Variants in EPHA3 observed in about 807,000 individuals in gnomAD.
EPHA3 encodes the protein ephrin type-A receptor 3.
Under a neutral mutation model 107.1 loss-of-function variants are expected in EPHA3, and 42 were observed. The ratio of observed to expected loss-of-function variants is 0.39; its 90% CI spans 0.31 to 0.51. EPHA3 has a LOEUF of 0.51. Ranked by LOEUF, EPHA3 falls within the 20% of genes least tolerant of loss-of-function variation. The pLI, the probability that EPHA3 is intolerant of heterozygous loss-of-function variation, is 0.78. For missense variants in EPHA3, 1,183 were observed against 1,211.2 expected (o/e 0.98, Z 0.35); for synonymous variants, 461 against 424.8 (o/e 1.09, Z -1.05).
intron 3 of EPHA3, among the ~76,000 whole-genome samples, chr3:89,283,645 A>G (rs1328444772): frequency 6.6e-6 from 1 of 152,120 alleles, no homozygotes; most frequent in East Asian, 1.9e-4. Flanking sequence ...AATTAGGTCA[A>G]AAAGAGAACC....
At chr3:89,348,168 T>G (rs1221221755) in intron 5 of EPHA3, among the ~76,000 whole-genome samples, 1 of 137,290 alleles carries the variant, frequency 7.3e-6, no homozygotes, top group Non-Finnish European at 1.6e-5. Context: ...TTCTATTGAT[T>G]GGAATAGTTT....
chr3:89,219,688 G>GTGTTTTTTTTTGTTGT, intron 3 of EPHA3, among the ~76,000 whole-genome samples: 2 of 34,438 alleles, frequency 5.8e-5, no homozygotes, highest in Non-Finnish European at 1.0e-4. Flanking sequence ...ATTTGGCAAT[G>GTGTTTTTTTTTGTTGT]TTTTTTTTTT....
At position 89,370,842 on chromosome 3, in the gene EPHA3, T is replaced by G. The variant is rs73846158; in HGVS notation, c.1307-24995T>G. Among the ~76,000 whole-genome samples the G allele has an allele frequency of 4.5e-3, 689 of 151,814 alleles. 4 individuals are homozygous for G. Among genetic ancestry groups the G allele is most frequent in the African/African-American group, 0.016 (657 of 41,486 alleles). On this transcript the variant is annotated intron_variant, in intron 5 of 16. Coordinates refer to ENST00000336596, the MANE Select transcript of EPHA3 (RefSeq NM_005233.6). ...AAGTCAAATTACCTGAAACAGGTTG[T>G]GAAGTGAATTGGGCAAAGTGTTAAG...
chr3:89,196,936 C>G (rs1306944170), intron 2 of EPHA3, among the ~76,000 whole-genome samples: 1 of 152,102 alleles, frequency 6.6e-6, no homozygotes, highest in Non-Finnish European at 1.5e-5. Flanking sequence ...CTATCCTATC[C>G]AGACTCCATC....
At chr3:89,412,533 A>G (rs1382249124) in intron 9 of EPHA3, among the ~76,000 whole-genome samples, 2 of 151,602 alleles carry the variant, frequency 1.3e-5, no homozygotes, top group South Asian at 2.1e-4. Context: ...ACACACCAAT[A>G]TAATATATAA....
chr3:89,215,490 G>A (rs1475291613), intron 3 of EPHA3, among the ~76,000 whole-genome samples: 1 of 151,826 alleles, frequency 6.6e-6, no homozygotes, highest in Non-Finnish European at 1.5e-5. Context: ...TCTTTGTTCT[G>A]TATATACTGC....
At chr3:89,237,432 A>C (rs1704792574) in intron 3 of EPHA3, among the ~76,000 whole-genome samples, 2 of 152,218 alleles carry the variant, frequency 1.3e-5, no homozygotes, top group African/African-American at 4.8e-5. Flanking sequence ...TCACAAACCA[A>C]GGATTATGAT....
intron 3 of EPHA3, among the ~76,000 whole-genome samples, chr3:89,255,213 A>G (rs372361489): frequency 1.3e-5 from 2 of 152,234 alleles, no homozygotes; most frequent in South Asian, 2.1e-4. Context: ...ACGGAAGTCT[A>G]TGGTAGCATT....
At chr3:89,141,222 G>C (rs1335026056) in intron 2 of EPHA3, among the ~76,000 whole-genome samples, 3 of 151,514 alleles carry the variant, frequency 2.0e-5, no homozygotes, top group Non-Finnish European at 1.5e-5. Context: ...TTATGCCAAG[G>C]GTTTGGCTTC....
chr3:89,265,481 A>T (rs537166020), intron 3 of EPHA3, among the ~76,000 whole-genome samples: 10 of 152,322 alleles, frequency 6.6e-5, no homozygotes, highest in African/African-American at 2.4e-4. Context: ...ATATCTTGAT[A>T]CACCATTATT....
At chr3:89,200,987 G>T (rs1705955197) in intron 2 of EPHA3, among the ~76,000 whole-genome samples, 1 of 152,156 alleles carries the variant, frequency 6.6e-6, no homozygotes, top group South Asian at 2.1e-4. Flanking sequence ...GAATAAGCAG[G>T]TGTATTAGTC....
chr3:89,204,109 C>A (rs1211893222), intron 2 of EPHA3, among the ~76,000 whole-genome samples: 5 of 152,180 alleles, frequency 3.3e-5, no homozygotes, highest in Non-Finnish European at 7.3e-5. Flanking sequence ...TAGCTCTTCT[C>A]ACTCTCTAAA....
intron 1 of EPHA3, among the ~76,000 whole-genome samples, chr3:89,111,619 T>C (rs1707112652): frequency 6.6e-6 from 1 of 151,642 alleles, no homozygotes; most frequent in African/African-American, 2.4e-5. Context: ...CCTAGGTCAT[T>C]AACAGGATTA....
intron 3 of EPHA3, among the ~76,000 whole-genome samples, chr3:89,328,868 A>G (rs1309838988): frequency 6.6e-6 from 1 of 152,138 alleles, no homozygotes; most frequent in African/African-American, 2.4e-5. Flanking sequence ...ACCTGTAGGT[A>G]TGAACTGTTC....
chr3:89,254,091 C>T (rs1006576137), intron 3 of EPHA3, among the ~76,000 whole-genome samples: 17 of 152,150 alleles, frequency 1.1e-4, no homozygotes, highest in South Asian at 2.1e-4. Flanking sequence ...ATTTTCACTG[C>T]CCTTTCAGCC....
chr3:89,222,135 T>C (rs1704392624), intron 3 of EPHA3, among the ~76,000 whole-genome samples: 1 of 151,928 alleles, frequency 6.6e-6, no homozygotes, highest in African/African-American at 2.4e-5. Flanking sequence ...ACATGATTGA[T>C]AGGAGATGAT....
chr3:89,476,904 G>A (rs1576399007), intron 16 of EPHA3, among the ~76,000 whole-genome samples: 1 of 152,000 alleles, frequency 6.6e-6, no homozygotes, highest in East Asian at 1.9e-4. Flanking sequence ...TATTATTTTA[G>A]GAAGGGGAAA....
chr3:89,454,141 G>A (rs1011520453), intron 15 of EPHA3, among the ~76,000 whole-genome samples: 1 of 152,084 alleles, frequency 6.6e-6, no homozygotes, highest in African/African-American at 2.4e-5. Context: ...TTATAAAAAT[G>A]CCAGGTGATT....
In EPHA3 at chr3:89,407,262, C is replaced by T. The variant is rs2107516379; in HGVS notation, c.1595-7C>T. On this transcript the variant is annotated splice_polypyrimidine_tract_variant and splice_region_variant and intron_variant, in intron 7 of 16. Transcript: ENST00000336596. Reference sequence around the variant, plus strand: ...CCTGTTCTTATTTTTTCTCTTCAACCTCACAGCTTTCTCCATCTCTGGTGA... The same window carrying T: ...CCTGTTCTTATTTTTTCTCTTCAACTTCACAGCTTTCTCCATCTCTGGTGA... 6.2e-7 allele frequency: 1 copy of T among 1,610,880 alleles called. No individual in the cohort carries two copies. Among genetic ancestry groups the T allele is most frequent in the South Asian group, 1.1e-5 (1 of 90,978 alleles).
Sources: gnomAD v4.1 joint callset for allele counts (sites outside exome capture counted in the v4.1 genomes callset) on GRCh38, gnomAD v4.1.1 for gene constraint, MANE v1.5 for transcripts, NCBI Gene and HGNC (gene_info 2026-07-23, HGNC 2026-07-21) for gene names.